The following TRAT1 variants were observed in gnomAD, a reference collection of about 807,000 sequenced individuals.
The protein encoded by TRAT1 is T cell receptor associated transmembrane adaptor 1, also known as T-cell receptor-associated transmembrane adapter 1.
A neutral mutation model predicts 20.0 loss-of-function variants in TRAT1; 20 were observed. The observed-to-expected ratio is 1.00, with a 90% CI of 0.70 to 1.45. The LOEUF (loss-of-function observed/expected upper bound fraction) is 1.45. TRAT1 is among the 40% of genes most tolerant of loss of function. The probability of loss-of-function intolerance (pLI) is 0.00; values close to 1 mark genes in which losing one functional copy is unlikely to be tolerated. For synonymous variants in TRAT1, 77 were observed against 74.2 expected, an observed-to-expected ratio of 1.04 and a Z score of -0.20; for missense variants, 237 against 224.1, an observed-to-expected ratio of 1.06 and a Z score of -0.37.
At chr3:108,831,272 C>T (rs1945790143) in intron 2 of TRAT1, among the ~76,000 whole-genome samples, 1 of 152,186 alleles carries the variant, frequency 6.6e-6, no homozygotes, top group Admixed American at 6.5e-5. Flanking sequence ...TGCTGTCAAA[C>T]ACTCCCAGAG....
chr3:108,823,249 CTTTAG>C (rs1451981487), intron 1 of TRAT1, among the ~76,000 whole-genome samples: 1 of 152,132 alleles, frequency 6.6e-6, no homozygotes, highest in African/African-American at 2.4e-5. Context: ...GTGTATTCCT[CTTTAG>C]TTTAGTTTAG....
intron 5 of TRAT1, among the ~76,000 whole-genome samples, chr3:108,852,910 C>G (rs1946009812): frequency 6.6e-6 from 1 of 152,192 alleles, no homozygotes; most frequent in Non-Finnish European, 1.5e-5. Context: ...ATGTTGCTTC[C>G]CCTAGATAGC....
chr3:108,830,724 C>G lies in TRAT1; in HGVS notation c.62C>G (p.Ala21Gly). The G allele has an allele frequency of 6.2e-7, 1 of 1,613,912 alleles. No homozygotes were observed. The highest frequency in any genetic ancestry group is 8.5e-7 in the Non-Finnish European group (1 of 1,179,860). ...LWGLLALLGL[A>G]LVISLIFNIS... is the part of the protein sequence containing the mutation. ...GGACTTCTAGCATTGTTGGGCTTGG[C>G]TTTGGTTATATCACTGATCTTCAAT... The change falls in exon 2 of 6, where the codon GCT becomes GGT. Residue 21 changes from alanine (A) to glycine (G), a missense_variant. Transcript: ENST00000295756.
At chr3:108,841,299 T>TA (rs1256106962) in intron 3 of TRAT1, among the ~76,000 whole-genome samples, 1 of 152,184 alleles carries the variant, frequency 6.6e-6, no homozygotes, top group Non-Finnish European at 1.5e-5. Flanking sequence ...TTTTTTTCTA[T>TA]AAAAAAGCGT....
At position 108,842,028 on chromosome 3, in the gene TRAT1, G is replaced by C. The variant is rs147870874; in HGVS notation, c.152+3061G>C. On this transcript the variant is annotated intron_variant, in intron 3 of 5. Transcript: ENST00000295756. ...TTTACAGAGGGTAGTTGACTAAAAA[G>C]CTGCTGTTTTATTGAATAAAAATTA... 3.3e-5 allele frequency among the ~76,000 whole-genome samples: 5 copies of C among 152,248 alleles called. No individual in the cohort carries two copies. In the East Asian group the frequency reaches 9.6e-4, roughly 29 times the overall value.
chr3:108,839,221 G>T, intron 3 of TRAT1: 1 of 470,590 alleles, frequency 2.1e-6, no homozygotes, highest in Non-Finnish European at 3.7e-6. Context: ...GATAACTATA[G>T]AATTATCATT....
intron 5 of TRAT1, among the ~76,000 whole-genome samples, chr3:108,850,518 T>A (rs1050754417): frequency 1.4e-4 from 22 of 152,088 alleles, no homozygotes; most frequent in African/African-American, 4.6e-4. Flanking sequence ...TTGGTTAGGC[T>A]GGTCGCAAAC....
chr3:108,825,438 G>A (rs1157664310), intron 1 of TRAT1, among the ~76,000 whole-genome samples: 3 of 151,930 alleles, frequency 2.0e-5, no homozygotes, highest in Non-Finnish European at 4.4e-5. Flanking sequence ...AAAAAAAGGA[G>A]TCTCATTGTC....
chr3:108,852,156 G>A (rs538989446), intron 5 of TRAT1, among the ~76,000 whole-genome samples: 62 of 152,260 alleles, frequency 4.1e-4, no homozygotes, highest in Admixed American at 7.2e-4. Flanking sequence ...CGAGGCGGGC[G>A]GATCACCTGA....
chr3:108,853,803 G>A lies in TRAT1; in HGVS notation c.487G>A (p.Val163Ile). Residue 163 changes from valine to isoleucine, a missense_variant, in exon 6 of 6, where the codon GTA (valine) becomes ATA (isoleucine). Val to Ile is a conservative substitution (Grantham distance 29). Coordinates refer to ENST00000295756, the MANE Select transcript of TRAT1 (RefSeq NM_016388.4). ...CAGTTTCTCCCCAGAAAGCCAGGCA[G>A]TAGAGGAAAACATTCATGATGATCC... Reference protein sequence around the residue: ...VDSFSPESQAVEENIHDDPIR... With the variant: ...VDSFSPESQAIEENIHDDPIR... 3 of 1,614,142 alleles carry A rather than the reference G, an allele frequency of 1.9e-6. No individual in the cohort carries two copies. The highest frequency in any genetic ancestry group is 2.5e-6 in the Non-Finnish European group (3 of 1,179,980).
At position 108,822,940 on chromosome 3, in the gene TRAT1, T is replaced by A. The variant is rs374932159; in HGVS notation, c.7+6T>A. 1 of 1,610,794 alleles carries A rather than the reference T, an allele frequency of 6.2e-7. No individual in the cohort carries two copies. Among genetic ancestry groups the A allele is most frequent in the Non-Finnish European group, 8.5e-7 (1 of 1,177,686 alleles). On this transcript the variant is annotated splice_donor_region_variant and intron_variant, in intron 1 of 5. Coordinates refer to ENST00000295756, the MANE Select transcript of TRAT1 (RefSeq NM_016388.4). ...GAAAAAAAGAAGCATGTCAGGTAAG[T>A]GGCATTTTAAACTTTTTGTTCCATT...
chr3:108,834,307 T>C (rs1945820190), intron 2 of TRAT1, among the ~76,000 whole-genome samples: 1 of 152,210 alleles, frequency 6.6e-6, no homozygotes, highest in Non-Finnish European at 1.5e-5. Context: ...GCAATTGATG[T>C]ATTCATCAAC....
At chr3:108,849,354 C>A in intron 5 of TRAT1, 100 bp downstream of exon 5, 1 of 961,620 alleles carries the variant, frequency 1.0e-6, no homozygotes, top group Non-Finnish European at 1.6e-6. Context: ...ATTTTGCAAT[C>A]AATCAGATGT....
chr3:108,826,421 T>C (rs59016477), intron 1 of TRAT1, among the ~76,000 whole-genome samples: 16,555 of 152,168 alleles, frequency 0.11, 1,209 homozygotes, highest in East Asian at 0.34. Flanking sequence ...AAAAACAGCA[T>C]GGTATTTTAC....
Position 108,853,864 on chromosome 3 carries a change from A to T in TRAT1, c.548A>T (p.Glu183Val). 1.2e-6 allele frequency: 2 copies of T among 1,613,614 alleles called. No individual in the cohort carries two copies. Among genetic ancestry groups the T allele is most frequent in the South Asian group, 1.1e-5 (1 of 91,014 alleles). Reference sequence around the variant, plus strand: ...TTTGGATTGATCCGTGCTAAGAGAGAACCTATAAACTAGCTGGACCATGAT... The same window carrying T: ...TTTGGATTGATCCGTGCTAAGAGAGTACCTATAAACTAGCTGGACCATGAT... ...RLFGLIRAKR[E>V]PIN Residue 183 changes from glutamate (E) to valine (V), a missense_variant, in exon 6 of 6, where the codon GAA becomes GTA. Physicochemically the swap from Glu to Val is moderately radical, Grantham distance 121. Transcript: ENST00000295756.
intron 1 of TRAT1, among the ~76,000 whole-genome samples, chr3:108,826,711 C>T (rs779298528): frequency 3.9e-5 from 6 of 152,222 alleles, no homozygotes; most frequent in Admixed American, 6.5e-5. Flanking sequence ...AAAAGACGTT[C>T]ATTGCTCTGA....
intron 3 of TRAT1, among the ~76,000 whole-genome samples, chr3:108,845,601 T>C (rs988539117): frequency 2.6e-5 from 4 of 152,226 alleles, no homozygotes; most frequent in Non-Finnish European, 5.9e-5. Flanking sequence ...CAGGTATCAT[T>C]TGAACTGTTA....
At chr3:108,823,255 T>C (rs1025528197) in intron 1 of TRAT1, among the ~76,000 whole-genome samples, 3 of 152,216 alleles carry the variant, frequency 2.0e-5, no homozygotes, top group Non-Finnish European at 1.5e-5. Context: ...TCCTCTTTAG[T>C]TTAGTTTAGC....
At chr3:108,837,622 T>C (rs187938200) in intron 2 of TRAT1, among the ~76,000 whole-genome samples, 84 of 152,360 alleles carry the variant, frequency 5.5e-4, no homozygotes, top group Non-Finnish European at 9.1e-4. Flanking sequence ...AATCATTTGG[T>C]CACTATTTTC....
Sources: allele counts gnomAD v4.1 joint callset (sites outside exome capture counted in the v4.1 genomes callset), GRCh38; gene constraint gnomAD v4.1.1; transcripts MANE v1.5; gene names NCBI Gene and HGNC (gene_info 2026-07-23, HGNC 2026-07-21).